The following CCAR1 variants were observed in gnomAD, a reference collection of about 807,000 sequenced individuals.
The protein encoded by CCAR1 is cell division cycle and apoptosis regulator protein 1.
A neutral mutation model predicts 163.8 loss-of-function variants in CCAR1; 78 were observed. The ratio of observed to expected loss-of-function variants is 0.48; its 90% CI spans 0.40 to 0.57. The LOEUF (loss-of-function observed/expected upper bound fraction) is 0.57, where lower values mean the gene tolerates loss of function less well. Ranked by LOEUF, CCAR1 falls within the 20% of genes least tolerant of loss-of-function variation. CCAR1 has a pLI of 0.00. For synonymous variants in CCAR1, 443 were observed against 460.7 expected, an observed-to-expected ratio of 0.96 and a Z score of 0.49; for missense variants, 1,019 against 1,365.2, an observed-to-expected ratio of 0.75 and a Z score of 4.00.
chr10:68,789,180 T>A (rs759341753), intron 23 of CCAR1, among the ~76,000 whole-genome samples: 11 of 150,574 alleles, frequency 7.3e-5, no homozygotes, highest in Admixed American at 2.7e-4. Flanking sequence ...AAGTGCTGGG[T>A]TTACAGGCAT....
Position 68,755,465 on chromosome 10 carries a change from T to C in CCAR1, c.1554T>C (p.Ser518=). The change falls in exon 13 of 25, where the codon TCT becomes TCC. Residue 518 remains serine, a synonymous_variant. Coordinates refer to ENST00000265872, the MANE Select transcript of CCAR1 (RefSeq NM_018237.4). ...GACCAGACCCAGAAAAAGATCCCTC[T>C]GTGTTGATTAAGACTGCTATTCGTT... ...LDGPDPEKDP[S]VLIKTAIRCC... 1 of 1,614,204 alleles carries C rather than the reference T, an allele frequency of 6.2e-7. No individual in the cohort carries two copies. Among genetic ancestry groups the C allele is most frequent in the South Asian group, 1.1e-5 (1 of 91,092 alleles).
At chr10:68,723,689 A>T (rs912743570) in intron 2 of CCAR1, among the ~76,000 whole-genome samples, 3 of 151,132 alleles carry the variant, frequency 2.0e-5, no homozygotes, top group African/African-American at 7.3e-5. Context: ...TCTACTAAAA[A>T]TACAAAAAAT....
chr10:68,766,126 A>G (rs1303369162), intron 17 of CCAR1, 47 bp downstream of exon 17: 3 of 1,128,070 alleles, frequency 2.7e-6, no homozygotes, highest in Non-Finnish European at 2.6e-6. Flanking sequence ...TCCACACATT[A>G]TGACTAGTTA....
Position 68,788,329 on chromosome 10 carries a change from G to A in CCAR1, c.3187+1G>A, listed in dbSNP as rs1423030874. On this transcript the variant is annotated splice_donor_variant, in intron 23 of 24. Coordinates refer to ENST00000265872, the MANE Select transcript of CCAR1 (RefSeq NM_018237.4). LOFTEE classifies it high-confidence loss of function. The stretch of plus-strand genomic sequence containing the variant: ...CTGCAGTTACTAGAAGAAAAAACAG[G>A]TAAGGGTCAGCTTTGAATATGTTAA... 6.4e-7 allele frequency: 1 copy of A among 1,553,220 alleles called. No homozygotes were observed. The highest frequency in any genetic ancestry group is 8.6e-7 in the Non-Finnish European group (1 of 1,158,694).
intron 2 of CCAR1, among the ~76,000 whole-genome samples, chr10:68,726,948 T>C (rs1023076538): frequency 1.4e-4 from 21 of 150,694 alleles, no homozygotes; most frequent in African/African-American, 4.9e-4. Context: ...TGAGCCCAGA[T>C]CGTGCCACTG....
chr10:68,757,639 C>T (rs1262909425), intron 15 of CCAR1, among the ~76,000 whole-genome samples: 1 of 151,964 alleles, frequency 6.6e-6, no homozygotes, highest in Non-Finnish European at 1.5e-5. Context: ...TGGTCTCGAA[C>T]TCCTGACATC....
intron 16 of CCAR1, among the ~76,000 whole-genome samples, chr10:68,765,215 A>G (rs1041779241): frequency 2.6e-5 from 4 of 152,124 alleles, no homozygotes; most frequent in African/African-American, 9.7e-5. Context: ...GCCCTGGTAA[A>G]TGAGCTTTGC....
chr10:68,729,418 T>A (rs2056001072), intron 2 of CCAR1, among the ~76,000 whole-genome samples: 1 of 151,656 alleles, frequency 6.6e-6, no homozygotes, highest in African/African-American at 2.4e-5. Flanking sequence ...TACAGGCGCC[T>A]GCCACCACGC....
rs1469859203 is a variant in CCAR1 at position 68,765,927 on chromosome 10, C to T, written c.2146C>T (p.Arg716Cys). 14 of 1,613,450 alleles carry T rather than the reference C, an allele frequency of 8.7e-6. No individual in the cohort carries two copies. Among genetic ancestry groups the T allele is most frequent in the South Asian group, 1.1e-5 (1 of 90,890 alleles). Residue 716 changes from arginine (R) to cysteine (C), a missense_variant, in exon 17 of 25, where the codon CGT becomes TGT. Physicochemically the swap from Arg to Cys is radical, Grantham distance 180. Transcript: ENST00000265872. ...RKRQEEIERQ[R>C]RERRYILPDE... ...ACGTCAAGAGGAAATAGAACGCCAG[C>T]GTCGAGAAAGAAGATATATTTTGCC...
intron 23 of CCAR1, among the ~76,000 whole-genome samples, chr10:68,789,358 G>A (rs1253179319): frequency 6.6e-6 from 1 of 151,496 alleles, no homozygotes. Flanking sequence ...TTGGGAGGCC[G>A]AGGCAGGCAG....
intron 20 of CCAR1, 124 bp from the exon 21 acceptor site, chr10:68,786,422 G>C: frequency 1.3e-6 from 1 of 743,600 alleles, no homozygotes; most frequent in Non-Finnish European, 2.1e-6. Flanking sequence ...ACTCATTTTA[G>C]CTAGGATGAG....
intron 2 of CCAR1, among the ~76,000 whole-genome samples, chr10:68,723,198 TGCAA>T (rs2055885578): frequency 6.6e-6 from 1 of 151,440 alleles, no homozygotes; most frequent in Non-Finnish European, 1.5e-5. Flanking sequence ...CTCAGCTCAC[TGCAA>T]GCTCCGCCTC....
intron 10 of CCAR1, 80 bp from the exon 11 acceptor site, chr10:68,753,762 CTATATCCAGT>C (rs2056366379): frequency 2.1e-6 from 2 of 931,532 alleles, no homozygotes; most frequent in African/African-American, 3.3e-5. Flanking sequence ...TTACTTTTTA[CTATATCCAGT>C]TATATTTGCT....
chr10:68,784,594 G>A (rs1469106983), intron 19 of CCAR1, among the ~76,000 whole-genome samples: 3 of 152,126 alleles, frequency 2.0e-5, no homozygotes, highest in African/African-American at 4.8e-5. Flanking sequence ...TTTTCACCCA[G>A]GCTGAGTGCA....
intron 2 of CCAR1, among the ~76,000 whole-genome samples, chr10:68,730,152 C>A (rs1033277759): frequency 7.9e-5 from 12 of 151,848 alleles, no homozygotes; most frequent in Non-Finnish European, 1.8e-4. Context: ...AAACTCCTAA[C>A]CCCCTGATCC....
chr10:68,739,373 A>T (rs2056153866), intron 4 of CCAR1, among the ~76,000 whole-genome samples: 1 of 151,918 alleles, frequency 6.6e-6, no homozygotes, highest in Non-Finnish European at 1.5e-5. Context: ...CTGGTCTCGA[A>T]CTCCTGACTT....
intron 15 of CCAR1, among the ~76,000 whole-genome samples, chr10:68,758,061 G>T (rs980828463): frequency 6.6e-6 from 1 of 151,994 alleles, no homozygotes; most frequent in African/African-American, 2.4e-5. Context: ...TTTTAAAATA[G>T]AATATTTTTT....
intron 10 of CCAR1, among the ~76,000 whole-genome samples, chr10:68,750,439 T>A (rs1176294595): frequency 6.6e-6 from 1 of 152,024 alleles, no homozygotes; most frequent in Non-Finnish European, 1.5e-5. Context: ...TGGCCAGGTT[T>A]GTTTCGAACT....
intron 17 of CCAR1, among the ~76,000 whole-genome samples, chr10:68,769,069 G>A (rs2056568851): frequency 6.6e-6 from 1 of 152,124 alleles, no homozygotes; most frequent in Non-Finnish European, 1.5e-5. Context: ...CCACGTCCCA[G>A]ATTGAAGCAA....
Sources: allele counts gnomAD v4.1 joint callset (sites outside exome capture counted in the v4.1 genomes callset), GRCh38; gene constraint gnomAD v4.1.1; transcripts MANE v1.5; gene names NCBI Gene and HGNC (gene_info 2026-07-23, HGNC 2026-07-21).